TCF12: variants seen among roughly 807,000 people sequenced by gnomAD.
TCF12 encodes DNA-binding protein HTF4.
Under a neutral mutation model 86.0 loss-of-function variants are expected in TCF12, and 45 were observed. That is an observed-to-expected ratio of 0.52 (90% CI 0.41 to 0.67). The LOEUF (loss-of-function observed/expected upper bound fraction) is 0.67. Among genes scored for constraint, TCF12 ranks in the 30% least tolerant of loss-of-function variants. The probability of loss-of-function intolerance (pLI) is 0.00; values close to 1 mark genes in which losing one functional copy is unlikely to be tolerated. For missense variants in TCF12, 881 were observed against 859.9 expected, an observed-to-expected ratio of 1.02 and a Z score of -0.31; for synonymous variants, 330 against 299.6, an observed-to-expected ratio of 1.10 and a Z score of -1.05.
intron 3 of TCF12, among the ~76,000 whole-genome samples, chr15:57,021,759 A>G (rs1021818213): frequency 1.3e-5 from 2 of 151,088 alleles, no homozygotes; most frequent in African/African-American, 4.9e-5. Context: ...TTTTTTTTCA[A>G]CCAAGCGTGA....
At chr15:56,934,673 T>G (rs1218617942) in intron 3 of TCF12, among the ~76,000 whole-genome samples, 1 of 152,228 alleles carries the variant, frequency 6.6e-6, no homozygotes, top group Non-Finnish European at 1.5e-5. Flanking sequence ...CATGACTTCC[T>G]AAGTATCTTA....
chr15:57,190,831 A>T (rs1424011274), intron 6 of TCF12, among the ~76,000 whole-genome samples: 1 of 152,196 alleles, frequency 6.6e-6, no homozygotes, highest in African/African-American at 2.4e-5. Flanking sequence ...TTTGATGCCT[A>T]AGATATTAAA....
At chr15:57,161,813 A>C (rs1200460573) in intron 5 of TCF12, among the ~76,000 whole-genome samples, 2 of 152,220 alleles carry the variant, frequency 1.3e-5, no homozygotes, top group African/African-American at 4.8e-5. Context: ...ATTGTTGCAG[A>C]TATCTTAAGC....
chr15:57,085,971 C>G (rs2048595495), intron 4 of TCF12, among the ~76,000 whole-genome samples: 1 of 152,040 alleles, frequency 6.6e-6, no homozygotes, highest in Non-Finnish European at 1.5e-5. Flanking sequence ...ACCTTTCTTT[C>G]TGATAGTTAC....
At chr15:57,178,572 G>A (rs2151628286) in intron 6 of TCF12, among the ~76,000 whole-genome samples, 1 of 152,332 alleles carries the variant, frequency 6.6e-6, no homozygotes, top group Admixed American at 6.5e-5. Context: ...AGAGAAATAA[G>A]ATTTCATCTC....
chr15:56,976,584 T>C (rs1392740538), intron 3 of TCF12, among the ~76,000 whole-genome samples: 4 of 152,034 alleles, frequency 2.6e-5, no homozygotes, highest in African/African-American at 7.2e-5. Context: ...TACAAATTTG[T>C]ATTTAAGCCC....
chr15:57,134,676 A>G (rs1418176130), intron 5 of TCF12, among the ~76,000 whole-genome samples: 1 of 152,240 alleles, frequency 6.6e-6, no homozygotes, highest in African/African-American at 2.4e-5. Flanking sequence ...TTATTTTGCC[A>G]GAAATGGCTT....
intron 3 of TCF12, among the ~76,000 whole-genome samples, chr15:57,001,672 T>G (rs1228067219): frequency 6.6e-6 from 1 of 152,240 alleles, no homozygotes; most frequent in Non-Finnish European, 1.5e-5. Flanking sequence ...GTCATTCATG[T>G]GTTCCACTCT....
intron 3 of TCF12, among the ~76,000 whole-genome samples, chr15:57,010,502 A>G (rs1421721208): frequency 1.3e-5 from 2 of 152,218 alleles, no homozygotes; most frequent in African/African-American, 4.8e-5. Flanking sequence ...AAAAGGGAAA[A>G]GGAAAGACAC....
intron 7 of TCF12, among the ~76,000 whole-genome samples, chr15:57,196,347 A>G (rs1217719328): frequency 1.3e-5 from 2 of 152,228 alleles, no homozygotes; most frequent in East Asian, 1.9e-4. Context: ...TGCATAGGTT[A>G]TATGCAAATA....
At chr15:56,935,137 T>A (rs1435136046) in intron 3 of TCF12, among the ~76,000 whole-genome samples, 1 of 152,220 alleles carries the variant, frequency 6.6e-6, no homozygotes, top group African/African-American at 2.4e-5. Context: ...TCTCTGTAGC[T>A]AATTGCTTGC....
At chr15:56,990,241 C>CTGTGTGTG (rs1298995605) in intron 3 of TCF12, among the ~76,000 whole-genome samples, 1 of 122,812 alleles carries the variant, frequency 8.1e-6, no homozygotes, top group African/African-American at 3.6e-5. Context: ...GTGTGTGTGT[C>CTGTGTGTG]TGTGTGTGCG....
intron 3 of TCF12, among the ~76,000 whole-genome samples, chr15:56,997,293 A>G (rs532952642): frequency 5.9e-5 from 9 of 152,360 alleles, no homozygotes; most frequent in African/African-American, 2.2e-4. Context: ...CTATGCAGCC[A>G]TAAAAAGAAC....
chr15:57,210,227 A>G (rs1175641525), intron 8 of TCF12, among the ~76,000 whole-genome samples: 1 of 151,922 alleles, frequency 6.6e-6, no homozygotes, highest in Non-Finnish European at 1.5e-5. Context: ...TGTTGAATAA[A>G]TGAACAAAGG....
intron 5 of TCF12, among the ~76,000 whole-genome samples, chr15:57,108,282 G>C (rs1315480563): frequency 1.3e-5 from 2 of 152,084 alleles, no homozygotes; most frequent in African/African-American, 4.8e-5. Context: ...ATTCTTTGGT[G>C]ATAAAATTTT....
intron 8 of TCF12, chr15:57,214,103 A>G (rs1292546456): frequency 6.6e-6 from 1 of 152,256 alleles, no homozygotes; most frequent in Non-Finnish European, 1.5e-5. Flanking sequence ...CACGTAGGGA[A>G]GGAAAGGGGA....
At chr15:57,058,136 G>C (rs2068176589) in intron 3 of TCF12, among the ~76,000 whole-genome samples, 1 of 152,154 alleles carries the variant, frequency 6.6e-6, no homozygotes, top group Admixed American at 6.5e-5. Context: ...TCACTATATA[G>C]TTCCCATTAA....
At position 56,919,942 on chromosome 15, in the gene TCF12, C is replaced by T; in HGVS notation, c.29C>T (p.Ala10Val). 1 of 1,614,090 alleles carries T rather than the reference C, an allele frequency of 6.2e-7. No homozygotes were observed. The highest frequency in any genetic ancestry group is 2.2e-5 in the East Asian group (1 of 44,874). The change falls in exon 2 of 21, where the codon GCT (alanine) becomes GTT (valine). Residue 10 changes from alanine to valine, a missense_variant. Coordinates refer to ENST00000333725, the MANE Select transcript of TCF12 (RefSeq NM_207037.2). ...AATCCCCAGCAACAACGCATGGCCGCTATAGGGACCGACAAGGAGCTGAGC... is the reference window on the plus strand; with the variant it reads ...AATCCCCAGCAACAACGCATGGCCGTTATAGGGACCGACAAGGAGCTGAGC... MNPQQQRMA[A>V]IGTDKELSDL... is the part of the protein sequence containing the mutation.
intron 3 of TCF12, among the ~76,000 whole-genome samples, chr15:56,986,076 TG>T (rs1700275101): frequency 1.3e-5 from 2 of 152,268 alleles, no homozygotes; most frequent in Admixed American, 1.3e-4. Flanking sequence ...AGAAATTTTT[TG>T]TATTGGGTGA....
Sources: allele counts gnomAD v4.1 joint callset (sites outside exome capture counted in the v4.1 genomes callset), GRCh38; gene constraint gnomAD v4.1.1; transcripts MANE v1.5; gene names NCBI Gene and HGNC (gene_info 2026-07-23, HGNC 2026-07-21).